HOXB6: variants seen among roughly 807,000 people sequenced by gnomAD.
HOXB6 encodes the protein homeobox protein Hox-B6.
A neutral mutation model predicts 24.2 loss-of-function variants in HOXB6; 18 were observed. That is an observed-to-expected ratio of 0.74 (90% CI 0.51 to 1.10). HOXB6 has a LOEUF of 1.10. Ranked by LOEUF, HOXB6 falls within the 50% of genes least tolerant of loss-of-function variation. HOXB6 has a pLI of 0.00. For synonymous variants in HOXB6, 159 were observed against 139.1 expected, an observed-to-expected ratio of 1.14 and a Z score of -1.01; for missense variants, 332 against 308.3, an observed-to-expected ratio of 1.08 and a Z score of -0.58.
rs767827563 is a variant in HOXB6, at chr17:48,597,883, G to A, written c.268C>T (p.Leu90Phe). Residue 90 changes from leucine to phenylalanine, a missense_variant, in exon 3 of 4, where the codon CTC (leucine) becomes TTC (phenylalanine). Physicochemically the swap from Leu to Phe is conservative, Grantham distance 22. Coordinates refer to ENST00000225648, the MANE Select transcript of HOXB6 (RefSeq NM_018952.5). ...FYREKESACA[L>F]SGADEQPPFH... ...GGGGGCTGCTCGTCGGCGCCGGAGA[G>A]TGCGCAGGCCGACTCTTTCTCGCGG... 3.5e-5 allele frequency: 55 copies of A among 1,588,644 alleles called. No individual in the cohort carries two copies. The highest frequency in any genetic ancestry group is 3.3e-5 in the Non-Finnish European group (38 of 1,166,910).
chr17:48,602,707 C>A (rs1331510568), intron 2 of HOXB6, among the ~76,000 whole-genome samples: 3 of 152,226 alleles, frequency 2.0e-5, no homozygotes, highest in Non-Finnish European at 4.4e-5. Flanking sequence ...CACCTCTGGA[C>A]AGTGTCGCGG....
chr17:48,596,890 G>A lies in HOXB6; in HGVS notation c.416-218C>T. The A allele has an allele frequency of 1.6e-6, 2 of 1,265,050 alleles. No individual in the cohort carries two copies. Among genetic ancestry groups the A allele is most frequent in the Non-Finnish European group, 2.1e-6 (2 of 946,238 alleles). The allele number at this position is 1,265,050 out of a possible 1,614,324, so 78.4% of individuals were successfully genotyped here. On this transcript the variant is annotated intron_variant, in intron 3 of 3. Coordinates refer to ENST00000225648, the MANE Select transcript of HOXB6 (RefSeq NM_018952.5). The surrounding 1 kb of genome is among the most constrained non-coding windows in gnomAD (Gnocchi z 4.8). ...CTAGACTCTAGATGGGGGAGGGGAG[G>A]AGCAGTTTGAACTCCCACCTGAGCC... is the stretch of plus-strand genomic sequence containing the variant.
intron 2 of HOXB6, chr17:48,600,471 C>G (rs1408635835): frequency 2.2e-6 from 1 of 455,930 alleles, no homozygotes; most frequent in African/African-American, 2.0e-5. Context: ...GATGGAGCCA[C>G]TACAGGCGGG....
intron 2 of HOXB6, chr17:48,602,283 C>T: frequency 2.2e-6 from 1 of 454,152 alleles, no homozygotes; most frequent in African/African-American, 2.0e-5. Context: ...GCCTGCCCTG[C>T]GGGTCCCCTC....
chr17:48,596,656 G>A lies in HOXB6; in HGVS notation c.432C>T (p.Pro144=). ...ATGTCTGGCGGCCTCGCCGGCCGCT[G>A]GGCCCAAAGGAGGAACCTGTTACGC... The part of the protein sequence containing the change: ...MNSCNSSSFG[P]SGRRGRQTYT... Residue 144 remains proline (P), a synonymous_variant, in exon 4 of 4, where the codon CCC becomes CCT. Coordinates refer to ENST00000225648, the MANE Select transcript of HOXB6 (RefSeq NM_018952.5). This position sits in a 1 kb window ranked among gnomAD's most constrained non-coding sequence, Gnocchi z 4.8. The A allele has an allele frequency of 6.2e-7, 1 of 1,613,322 alleles. No individual in the cohort carries two copies. Among genetic ancestry groups the A allele is most frequent in the South Asian group, 1.1e-5 (1 of 91,084 alleles).
At position 48,597,937 on chromosome 17, in the gene HOXB6, A is replaced by G. The variant is rs1359548386; in HGVS notation, c.214T>C (p.Cys72Arg). Residue 72 changes from cysteine (C) to arginine (R), a missense_variant, in exon 3 of 4, where the codon TGC (cysteine) becomes CGC (arginine). Physicochemically the swap from Cys to Arg is radical, Grantham distance 180 (BLOSUM62 -3). Transcript: ENST00000225648. ...AAGGCCGGCGCCGGCCCGTAGTCGC[A>G]GGGCGCCGCTCGGCCGTAGCCACCG... ...AGGGYGRAAPCDYGPAPAFYR... is the reference protein window; with the variant it reads ...AGGGYGRAAPRDYGPAPAFYR... The G allele has an allele frequency of 1.3e-6, 2 of 1,572,906 alleles. No individual in the cohort carries two copies. The highest frequency in any genetic ancestry group is 4.7e-5 in the East Asian group (2 of 42,214).
rs918392756 is a variant in HOXB6 at position 48,596,020 on chromosome 17, C to A, written c.*393G>T. On this transcript the variant is annotated 3_prime_UTR_variant, in exon 4 of 4. Transcript: ENST00000225648. This position sits in a 1 kb window ranked among gnomAD's most constrained non-coding sequence, Gnocchi z 4.8. Reference sequence around the variant, plus strand: ...GATCAGGGAGTCTTCAAGGCCCCCGCTGAGGGGACAGCGAATCTACCATTG... The same window carrying A: ...GATCAGGGAGTCTTCAAGGCCCCCGATGAGGGGACAGCGAATCTACCATTG... 2.1e-6 allele frequency: 1 copy of A among 467,738 alleles called. No homozygotes were observed. The highest frequency in any genetic ancestry group is 4.3e-6 in the Non-Finnish European group (1 of 234,858). 29.0% of individuals were successfully genotyped at this position (467,738 alleles called of 1,614,324 possible). A position where few individuals can be genotyped will look rare whatever the true frequency, so the allele number is the denominator to read the frequency against.
intron 2 of HOXB6, among the ~76,000 whole-genome samples, chr17:48,598,511 C>T (rs1268606858): frequency 2.6e-5 from 4 of 152,074 alleles, no homozygotes; most frequent in Non-Finnish European, 4.4e-5. Flanking sequence ...AGGCTCAGTG[C>T]CTTTGAGGGA....
At position 48,596,081 on chromosome 17, in the gene HOXB6, G is replaced by C; in HGVS notation, c.*332C>G. On this transcript the variant is annotated 3_prime_UTR_variant, in exon 4 of 4. Transcript: ENST00000225648. This position sits in a 1 kb window ranked among gnomAD's most constrained non-coding sequence, Gnocchi z 4.8. ...GGGGGACATGGACAAAATGAGACGC[G>C]ACAGGGACAAGAGCATTTTGCTCTG... The C allele has an allele frequency of 1.9e-6, 1 of 525,558 alleles. No homozygotes were observed. The highest frequency in any genetic ancestry group is 1.5e-5 in the South Asian group (1 of 65,204). The allele number at this position is 525,558 out of a possible 1,614,324, so 32.6% of individuals were successfully genotyped here. A position where few individuals can be genotyped will look rare whatever the true frequency, so the allele number is the denominator to read the frequency against.
chr17:48,596,064 T>A lies in HOXB6; in HGVS notation c.*349A>T. On this transcript the variant is annotated 3_prime_UTR_variant, in exon 4 of 4. Transcript: ENST00000225648. This position sits in a 1 kb window ranked among gnomAD's most constrained non-coding sequence, Gnocchi z 4.8. ...ACCATTGAACCGTGCACGGGGGACA[T>A]GGACAAAATGAGACGCGACAGGGAC... The A allele has an allele frequency of 2.0e-6, 1 of 496,068 alleles. No individual in the cohort carries two copies. Among genetic ancestry groups the A allele is most frequent in the South Asian group, 1.5e-5 (1 of 64,940 alleles). 30.7% of individuals were successfully genotyped at this position (496,068 alleles called of 1,614,324 possible). A position where few individuals can be genotyped will look rare whatever the true frequency, so the allele number is the denominator to read the frequency against.
intron 2 of HOXB6, chr17:48,601,824 A>C: frequency 9.9e-6 from 2 of 202,624 alleles, no homozygotes; most frequent in Admixed American, 5.5e-5. Flanking sequence ...GGACCACAGC[A>C]CCTTTAAAGG....
chr17:48,602,949 C>A (rs112478455), intron 2 of HOXB6, among the ~76,000 whole-genome samples: 4 of 152,344 alleles, frequency 2.6e-5, no homozygotes, highest in Non-Finnish European at 4.4e-5. Context: ...TCCCTCCAGG[C>A]GCCCAGGCCG....
intron 2 of HOXB6, chr17:48,602,587 C>T (rs987377804): frequency 3.3e-5 from 7 of 213,238 alleles, no homozygotes; most frequent in African/African-American, 1.6e-4. Context: ...GGAGAGACTT[C>T]TGTTCTCTAA....
Position 48,597,863 on chromosome 17 carries a change from C to T in HOXB6, c.288G>A (p.Gln96=), listed in dbSNP as rs1346991325. ...SACALSGADE[Q]PPFHPEPRKS... is the part of the protein sequence containing the mutation. ...TCCGCGGCTCGGGGTGGAACGGGGG[C>T]TGCTCGTCGGCGCCGGAGAGTGCGC... The change falls in exon 3 of 4, where the codon CAG becomes CAA. Residue 96 remains glutamine, a synonymous_variant. Transcript: ENST00000225648. 1.7e-5 allele frequency: 27 copies of T among 1,594,780 alleles called. No homozygotes were observed. In the East Asian group the frequency reaches 6.0e-4, roughly 35 times the overall value.
At chr17:48,603,713 A>G (rs955798643) in intron 2 of HOXB6, 1 of 152,208 alleles carries the variant, frequency 6.6e-6, no homozygotes, top group East Asian at 1.9e-4. Context: ...GCTGTAACCT[A>G]CCGCATTAAA....
chr17:48,598,971 C>T (rs1456127540), intron 2 of HOXB6, among the ~76,000 whole-genome samples: 1 of 152,158 alleles, frequency 6.6e-6, no homozygotes, highest in African/African-American at 2.4e-5. Flanking sequence ...CAAGCTTCCC[C>T]TTCTGACTCT....
chr17:48,600,660 G>T (rs2070438920), intron 2 of HOXB6: 1 of 404,264 alleles, frequency 2.5e-6, no homozygotes, highest in African/African-American at 2.1e-5. Context: ...TCTGTCTGTG[G>T]TTCGGTCCAC....
Position 48,597,909 on chromosome 17 carries a change from T to C in HOXB6, c.242A>G (p.Tyr81Cys). Residue 81 changes from tyrosine (Y) to cysteine (C), a missense_variant, in exon 3 of 4, where the codon TAC becomes TGC. Tyr to Cys is a radical substitution (Grantham distance 194). Coordinates refer to ENST00000225648, the MANE Select transcript of HOXB6 (RefSeq NM_018952.5). ...TGCGCAGGCCGACTCTTTCTCGCGG[T>C]AGAAGGCCGGCGCCGGCCCGTAGTC... ...PCDYGPAPAFYREKESACALS... is the reference protein window; with the variant it reads ...PCDYGPAPAFCREKESACALS... 6.3e-7 allele frequency: 1 copy of C among 1,579,892 alleles called. No individual in the cohort carries two copies. Among genetic ancestry groups the C allele is most frequent in the Non-Finnish European group, 8.6e-7 (1 of 1,162,724 alleles).
rs1248551011 is a variant in HOXB6 at position 48,596,018 on chromosome 17, CGCTGAGGGGACA to C, written c.*383_*394del. 1.3e-5 allele frequency: 6 copies of C among 466,902 alleles called. No individual in the cohort carries two copies. Among genetic ancestry groups the C allele is most frequent in the Non-Finnish European group, 2.6e-5 (6 of 234,338 alleles). 28.9% of individuals were successfully genotyped at this position (466,902 alleles called of 1,614,324 possible). On this transcript the variant is annotated 3_prime_UTR_variant, in exon 4 of 4. Coordinates refer to ENST00000225648, the MANE Select transcript of HOXB6 (RefSeq NM_018952.5). The surrounding 1 kb of genome is among the most constrained non-coding windows in gnomAD (Gnocchi z 4.8). ...GGGATCAGGGAGTCTTCAAGGCCCC[CGCTGAGGGGACA>C]GCGAATCTACCATTGAACCGTGCAC... is the stretch of plus-strand genomic sequence containing the variant.
Sources: gnomAD v4.1 joint callset for allele counts (sites outside exome capture counted in the v4.1 genomes callset) on GRCh38, gnomAD v4.1.1 for gene constraint, Gnocchi (gnomAD v3.1) non-coding constraint, MANE v1.5 for transcripts, NCBI Gene and HGNC (gene_info 2026-07-23, HGNC 2026-07-21) for gene names.